Variants in WASHC4 observed in about 807,000 individuals in gnomAD.
WASHC4 encodes WASH complex subunit 4.
WASHC4 carries 86 observed loss-of-function variants against 166.6 expected under a neutral mutation model. The ratio of observed to expected loss-of-function variants is 0.52; its 90% confidence interval spans 0.43 to 0.62. The LOEUF (loss-of-function observed/expected upper bound fraction) is 0.62, where lower values mean the gene tolerates loss of function less well. Ranked by LOEUF, WASHC4 falls within the 20% of genes least tolerant of loss-of-function variation. The probability of loss-of-function intolerance (pLI) is 0.00; values close to 1 mark genes in which losing one functional copy is unlikely to be tolerated. For synonymous variants in WASHC4, 446 were observed against 451.6 expected (o/e 0.99, Z 0.16); for missense variants, 1,262 against 1,382.4 (o/e 0.91, Z 1.38).
In WASHC4 at chr12:105,144,721, A is replaced by G. The variant is rs1462312919; in HGVS notation, c.2183A>G (p.Tyr728Cys). Reference sequence around the variant, plus strand: ...TTGAATTTTTTTTTTTTGGTAGCTTACGTAACTCACTACCTAGACAAGACT... The same window carrying G: ...TTGAATTTTTTTTTTTTGGTAGCTTGCGTAACTCACTACCTAGACAAGACT... ...FFNRFIDIRA[Y>C]VTHYLDKTFY... The change falls in exon 22 of 33, where the codon TAC becomes TGC. Residue 728 changes from tyrosine (Y) to cysteine (C), a missense_variant. Transcript: ENST00000332180. 6.2e-7 allele frequency: 1 copy of G among 1,601,640 alleles called. No individual in the cohort carries two copies. Among genetic ancestry groups the G allele is most frequent in the Non-Finnish European group, 8.5e-7 (1 of 1,175,422 alleles).
At chr12:105,137,057 A>G (rs1882389413) in intron 14 of WASHC4, among the ~76,000 whole-genome samples, 2 of 152,250 alleles carry the variant, frequency 1.3e-5, no homozygotes, top group East Asian at 3.9e-4. Flanking sequence ...TCCTTGCTAA[A>G]CTGTACATGT....
chr12:105,149,707 T>G lies in WASHC4; in HGVS notation c.2607T>G (p.Asp869Glu). ...DEHIKSRLIK[D>E]IRFFREIKDQ... ...ACATCAAATCCAGATTGATTAAAGA[T>G]ATTCGATTTTTCAGGGAAATTAAGG... Residue 869 changes from aspartate (D) to glutamate (E), a missense_variant, in exon 25 of 33, where the codon GAT (aspartate) becomes GAG (glutamate). Coordinates refer to ENST00000332180, the MANE Select transcript of WASHC4 (RefSeq NM_015275.3). 6.3e-7 allele frequency: 1 copy of G among 1,584,454 alleles called. No individual in the cohort carries two copies. Among genetic ancestry groups the G allele is most frequent in the Non-Finnish European group, 8.7e-7 (1 of 1,154,988 alleles).
chr12:105,130,266 T>G (rs925621954), intron 13 of WASHC4, among the ~76,000 whole-genome samples: 7 of 152,330 alleles, frequency 4.6e-5, no homozygotes, highest in African/African-American at 7.2e-5. Context: ...TTCAAACCAG[T>G]GCCAATCCTA....
At chr12:105,125,425 C>CT (rs1881192030) in intron 10 of WASHC4, among the ~76,000 whole-genome samples, 1 of 152,056 alleles carries the variant, frequency 6.6e-6, no homozygotes, top group African/African-American at 2.4e-5. Flanking sequence ...ATCCATAAGG[C>CT]TTTTGGTCAA....
intron 29 of WASHC4, among the ~76,000 whole-genome samples, chr12:105,160,392 G>A (rs1158694165): frequency 6.6e-6 from 1 of 152,024 alleles, no homozygotes; most frequent in Admixed American, 6.6e-5. Flanking sequence ...CTGTCACCCA[G>A]GCTGGAGTGC....
At chr12:105,139,415 A>ATG (rs144001458) in intron 15 of WASHC4, among the ~76,000 whole-genome samples, 77 of 94,396 alleles carry the variant, frequency 8.2e-4, no homozygotes, top group East Asian at 1.7e-3. Context: ...GACTATATAT[A>ATG]TGTGTGTGTG....
At chr12:105,154,132 G>A (rs947571305) in intron 26 of WASHC4, among the ~76,000 whole-genome samples, 22 of 151,526 alleles carry the variant, frequency 1.5e-4, no homozygotes, top group African/African-American at 5.3e-4. Flanking sequence ...CTAGGTTCAA[G>A]CGATTCTCCC....
chr12:105,118,784 T>C (rs1193528227), intron 7 of WASHC4, among the ~76,000 whole-genome samples: 1 of 152,204 alleles, frequency 6.6e-6, no homozygotes, highest in African/African-American at 2.4e-5. Flanking sequence ...AGAAGAAGGC[T>C]AACATGGAAT....
chr12:105,138,132 C>A, intron 15 of WASHC4, 121 bp downstream of exon 15: 1 of 928,730 alleles, frequency 1.1e-6, no homozygotes, highest in Non-Finnish European at 1.6e-6. Flanking sequence ...TGAGAAAGTA[C>A]TTCTCTCTCA....
chr12:105,140,688 AT>A (rs1303799308), intron 16 of WASHC4, among the ~76,000 whole-genome samples: 34 of 152,328 alleles, frequency 2.2e-4, no homozygotes, highest in Non-Finnish European at 1.8e-4. Flanking sequence ...TAACATGGAA[AT>A]TTTAAAGTAT....
chr12:105,164,786 T>C, intron 32 of WASHC4, 46 bp downstream of exon 32: 1 of 1,216,994 alleles, frequency 8.2e-7, no homozygotes, highest in East Asian at 2.4e-5. Flanking sequence ...ATGTCTTTAG[T>C]AATAGACAGT....
intron 4 of WASHC4, 69 bp from the exon 5 acceptor site, chr12:105,115,115 C>A: frequency 2.5e-6 from 2 of 794,188 alleles, no homozygotes; most frequent in East Asian, 5.3e-5. Flanking sequence ...GTATACAGAT[C>A]TAAGAGAGCA....
intron 24 of WASHC4, chr12:105,147,932 A>G (rs771053044): frequency 1.3e-4 from 131 of 985,086 alleles, no homozygotes; most frequent in Middle Eastern, 5.2e-4. Flanking sequence ...ACAAAAACGA[A>G]ATGGGCATTC....
At chr12:105,126,990 CA>C (rs1881346847) in intron 12 of WASHC4, 138 bp from the exon 13 acceptor site, 1 of 715,706 alleles carries the variant, frequency 1.4e-6, no homozygotes, top group South Asian at 1.8e-5. Context: ...ATATTTGTCT[CA>C]TAATATATTA....
At position 105,138,084 on chromosome 12, in the gene WASHC4, A is replaced by G. The variant is rs185187412; in HGVS notation, c.1452+73A>G. On this transcript the variant is annotated intron_variant, in intron 15 of 32. Coordinates refer to ENST00000332180, the MANE Select transcript of WASHC4 (RefSeq NM_015275.3). ...CAGGCTTAAATTAGGATAATCTTGT[A>G]AGGTTTGACTACATGATTATATGAG... is the stretch of plus-strand genomic sequence containing the variant. 7.5e-6 allele frequency: 11 copies of G among 1,469,756 alleles called. No homozygotes were observed. The Admixed American group carries it at 9.6e-5, about 13-fold the overall frequency. 91.0% of individuals were successfully genotyped at this position (1,469,756 alleles called of 1,614,324 possible). A position where few individuals can be genotyped will look rare whatever the true frequency, so the allele number is the denominator to read the frequency against.
In WASHC4 at chr12:105,126,268, A is replaced by G. The variant is rs751725980; in HGVS notation, c.944A>G (p.Tyr315Cys). ...TCTGAAATTGACCAGAGAGACAAGT[A>G]TGTTGGAATTTGTGGACTCTTTGTA... ...EPSEIDQRDK[Y>C]VGICGLFVLH... The change falls in exon 12 of 33, where the codon TAT becomes TGT. Residue 315 changes from tyrosine to cysteine, a missense_variant. Physicochemically the swap from Tyr to Cys is radical, Grantham distance 194 (BLOSUM62 -2). Transcript: ENST00000332180. 1.2e-6 allele frequency: 2 copies of G among 1,612,418 alleles called. No individual in the cohort carries two copies.
intron 26 of WASHC4, 128 bp downstream of exon 26, chr12:105,152,579 T>A: frequency 1.5e-6 from 1 of 677,090 alleles, no homozygotes. Flanking sequence ...ACTCATGTAA[T>A]TTTTTTACCC....
intron 28 of WASHC4, among the ~76,000 whole-genome samples, chr12:105,158,230 T>A (rs1884295342): frequency 1.3e-5 from 2 of 152,182 alleles, no homozygotes; most frequent in Non-Finnish European, 1.5e-5. Context: ...CCCCAGTGGT[T>A]TCTAAAACAT....
At chr12:105,130,714 C>T (rs1173254599) in intron 13 of WASHC4, among the ~76,000 whole-genome samples, 1 of 152,006 alleles carries the variant, frequency 6.6e-6, no homozygotes, top group Non-Finnish European at 1.5e-5. Context: ...TTCCTGCCCC[C>T]ATACTATACA....
Sources: allele counts gnomAD v4.1 joint callset (sites outside exome capture counted in the v4.1 genomes callset), GRCh38; gene constraint gnomAD v4.1.1; transcripts MANE v1.5; gene names NCBI Gene and HGNC (gene_info 2026-07-23, HGNC 2026-07-21).